Variants in CCDC126 observed in about 807,000 individuals in gnomAD.
CCDC126 encodes the protein coiled-coil domain containing 126.
CCDC126 carries 5 observed loss-of-function variants against 11.7 expected under a neutral mutation model. The ratio of observed to expected loss-of-function variants is 0.43; its 90% CI spans 0.22 to 0.90. CCDC126 has a LOEUF of 0.90. Ranked by LOEUF, CCDC126 falls within the 40% of genes least tolerant of loss-of-function variation. CCDC126 has a pLI of 0.27. For missense variants in CCDC126, 150 were observed against 163.1 expected (o/e 0.92, Z 0.44); for synonymous variants, 60 against 61.9 (o/e 0.97, Z 0.14).
intron 3 of CCDC126, among the ~76,000 whole-genome samples, chr7:23,620,253 G>A (rs1782868878): frequency 6.6e-6 from 1 of 152,282 alleles, no homozygotes; most frequent in East Asian, 1.9e-4. Flanking sequence ...GTTGTTTCCT[G>A]ACTTTTTAAT....
intron 2 of CCDC126, among the ~76,000 whole-genome samples, chr7:23,608,636 A>T (rs1301538787): frequency 6.6e-6 from 1 of 152,164 alleles, no homozygotes; most frequent in Non-Finnish European, 1.5e-5. Flanking sequence ...CATGATGATA[A>T]TGGCAGTTGT....
chr7:23,640,014 C>G (rs1482429228), intron 3 of CCDC126, among the ~76,000 whole-genome samples: 1 of 150,214 alleles, frequency 6.7e-6, no homozygotes, highest in Non-Finnish European at 1.5e-5. Context: ...GAAACCCTGT[C>G]TCTACTAAAA....
intron 3 of CCDC126, among the ~76,000 whole-genome samples, chr7:23,640,027 A>G (rs1783325722): frequency 2.6e-5 from 4 of 151,884 alleles, no homozygotes; most frequent in Admixed American, 2.6e-4. Flanking sequence ...TACTAAAAAT[A>G]CAAAAATTAG....
At chr7:23,600,858 A>G (rs1236328361) in intron 2 of CCDC126, among the ~76,000 whole-genome samples, 9 of 152,140 alleles carry the variant, frequency 5.9e-5, no homozygotes. Flanking sequence ...GGAGTGTGAA[A>G]TGCAGTATTT....
At position 23,628,150 on chromosome 7, in the gene CCDC126, C is replaced by T. The variant is rs192219197; in HGVS notation, c.239-14781C>T. Reference sequence around the variant, plus strand: ...AACCAGTTTTAAAAATTTCTCACACCGGGGACTTCTAGGAAAATGGAGATC... The same window carrying T: ...AACCAGTTTTAAAAATTTCTCACACTGGGGACTTCTAGGAAAATGGAGATC... On this transcript the variant is annotated intron_variant, in intron 3 of 3. Transcript: ENST00000307471. 6.0e-4 allele frequency among the ~76,000 whole-genome samples: 92 copies of T among 152,190 alleles called. No individual in the cohort carries two copies. In the Middle Eastern group the frequency reaches 0.01, roughly 17 times the overall value.
intron 3 of CCDC126, among the ~76,000 whole-genome samples, chr7:23,636,603 A>T: frequency 8.1e-6 from 1 of 122,708 alleles, no homozygotes; most frequent in East Asian, 2.6e-4. Context: ...CCGTCTGAGA[A>T]GTGAGGAAAC....
chr7:23,633,738 C>G (rs1012148594), intron 3 of CCDC126, among the ~76,000 whole-genome samples: 1 of 152,010 alleles, frequency 6.6e-6, no homozygotes, highest in Non-Finnish European at 1.5e-5. Flanking sequence ...ACCTGTAATC[C>G]CAGCACTTGG....
chr7:23,599,472 G>A (rs969158140), intron 2 of CCDC126, among the ~76,000 whole-genome samples: 5 of 151,838 alleles, frequency 3.3e-5, no homozygotes, highest in African/African-American at 1.2e-4. Flanking sequence ...GCTGCATAGT[G>A]TGTGTCTATG....
chr7:23,605,350 T>A (rs530164101), intron 2 of CCDC126, among the ~76,000 whole-genome samples: 22 of 152,206 alleles, frequency 1.4e-4, no homozygotes, highest in African/African-American at 4.8e-4. Flanking sequence ...AGATTCTAAG[T>A]GCAGTGTGAA....
rs113185423 is a variant in CCDC126, at chr7:23,631,580, C to G, written c.239-11351C>G. On this transcript the variant is annotated intron_variant, in intron 3 of 3. Transcript: ENST00000307471. ...GTTCAAGACCAGCCTTACCAACATG[C>G]TGAAACCCTGTCTCTACTAAAAACA... Among the ~76,000 whole-genome samples the G allele has an allele frequency of 1.8e-4, 28 of 152,100 alleles. 2 individuals are homozygous for G. Among genetic ancestry groups the G allele is most frequent in the African/African-American group, 4.6e-4 (19 of 41,512 alleles).
chr7:23,632,049 A>G (rs1783125022), intron 3 of CCDC126, among the ~76,000 whole-genome samples: 1 of 152,040 alleles, frequency 6.6e-6, no homozygotes, highest in African/African-American at 2.4e-5. Flanking sequence ...AGAAAATATT[A>G]GCAAACAATT....
chr7:23,622,903 A>G (rs535096718), intron 3 of CCDC126: 8 of 337,018 alleles, frequency 2.4e-5, no homozygotes, highest in Admixed American at 7.7e-5. Context: ...ATGCAGTAAC[A>G]TGAATTATTA....
At chr7:23,603,464 C>G (rs577606455) in intron 2 of CCDC126, among the ~76,000 whole-genome samples, 1 of 152,192 alleles carries the variant, frequency 6.6e-6, no homozygotes, top group African/African-American at 2.4e-5. Flanking sequence ...CAAACACAAT[C>G]TTTCTAGGGG....
At chr7:23,628,971 G>A (rs1388378114) in intron 3 of CCDC126, among the ~76,000 whole-genome samples, 1 of 152,038 alleles carries the variant, frequency 6.6e-6, no homozygotes, top group African/African-American at 2.4e-5. Context: ...GCAGTAACAA[G>A]GTGGCACCCC....
chr7:23,617,321 C>T (rs1379552456), intron 3 of CCDC126, among the ~76,000 whole-genome samples: 2 of 116,924 alleles, frequency 1.7e-5, no homozygotes, highest in African/African-American at 3.4e-5. Context: ...GCTCTCTAAT[C>T]TGGGGAACAG....
chr7:23,608,004 AGGGT>A (rs1341770507), intron 2 of CCDC126, among the ~76,000 whole-genome samples: 1 of 152,242 alleles, frequency 6.6e-6, no homozygotes, highest in Non-Finnish European at 1.5e-5. Flanking sequence ...TATGCTGAGC[AGGGT>A]GGCCGAATAT....
intron 3 of CCDC126, among the ~76,000 whole-genome samples, chr7:23,622,038 TTC>T (rs1782913499): frequency 6.6e-6 from 1 of 152,176 alleles, no homozygotes. Context: ...TGGTCTAAAA[TTC>T]TCTTTTTTTG....
intron 3 of CCDC126, among the ~76,000 whole-genome samples, chr7:23,617,330 A>C (rs1421425822): frequency 7.0e-6 from 1 of 142,068 alleles, no homozygotes; most frequent in Non-Finnish European, 1.5e-5. Context: ...TCTGGGGAAC[A>C]GAGTGAGATG....
intron 2 of CCDC126, among the ~76,000 whole-genome samples, chr7:23,605,839 A>G (rs547535449): frequency 2.0e-5 from 3 of 152,142 alleles, no homozygotes; most frequent in Non-Finnish European, 2.9e-5. Context: ...CAGAAGTTCA[A>G]TTACAGATTG....
Sources: allele counts gnomAD v4.1 joint callset (sites outside exome capture counted in the v4.1 genomes callset), GRCh38; gene constraint gnomAD v4.1.1; transcripts MANE v1.5; gene names NCBI Gene and HGNC (gene_info 2026-07-23, HGNC 2026-07-21).